The following EYA1 variants were observed in gnomAD, a reference collection of about 807,000 sequenced individuals.
The protein encoded by EYA1 is protein phosphatase EYA1.
In EYA1, 16 loss-of-function variants were observed where a neutral mutation model predicts 82.0. The observed-to-expected ratio is 0.20, with a 90% CI of 0.13 to 0.30. The LOEUF (loss-of-function observed/expected upper bound fraction) is 0.30, where lower values mean the gene tolerates loss of function less well. Ranked by LOEUF, EYA1 falls within the 10% of genes least tolerant of loss-of-function variation. The probability of loss-of-function intolerance (pLI) is 1.00; values close to 1 mark genes in which losing one functional copy is unlikely to be tolerated. For synonymous variants in EYA1, 261 were observed against 264.4 expected (o/e 0.99, Z 0.12); for missense variants, 633 against 730.7 (o/e 0.87, Z 1.54).
intron 1 of EYA1, among the ~76,000 whole-genome samples, chr8:71,539,991 T>C (rs980259399): frequency 6.6e-6 from 1 of 152,200 alleles, no homozygotes; most frequent in Admixed American, 6.5e-5. Context: ...CCACTGGTGA[T>C]GACATTGTAA....
At chr8:71,424,513 C>T (rs1267593617) in intron 2 of EYA1, among the ~76,000 whole-genome samples, 2 of 152,160 alleles carry the variant, frequency 1.3e-5, no homozygotes, top group Non-Finnish European at 2.9e-5. Context: ...TCTCCCAAAT[C>T]CAGGACTCAC....
intron 2 of EYA1, among the ~76,000 whole-genome samples, chr8:71,513,960 T>C (rs1319669358): frequency 6.6e-6 from 1 of 152,074 alleles, no homozygotes; most frequent in East Asian, 1.9e-4. Context: ...CATGACAAGA[T>C]CTCTCATTCC....
intron 1 of EYA1, among the ~76,000 whole-genome samples, chr8:71,546,940 A>T (rs1307604722): frequency 6.6e-6 from 1 of 152,204 alleles, no homozygotes; most frequent in East Asian, 1.9e-4. Context: ...CTACCACAAC[A>T]ACAAAAGTCT....
Position 71,509,901 on chromosome 8 carries a change from G to A in EYA1, c.33+25843C>T, listed in dbSNP as rs540578125. 2.3e-3 allele frequency among the ~76,000 whole-genome samples: 357 copies of A among 152,022 alleles called. 1 individual carries two copies. Among genetic ancestry groups the A allele is most frequent in the African/African-American group, 8.0e-3 (333 of 41,506 alleles). The stretch of plus-strand genomic sequence containing the variant: ...CTTTAAATAGTGCATAGTAGAAAGC[G>A]CTGTGCACAAACAGAATGCTATGGG... On this transcript the variant is annotated intron_variant, in intron 2 of 18. Coordinates refer to the EYA1 transcript ENST00000643681.
intron 4 of EYA1, chr8:71,322,507 G>C: frequency 1.9e-6 from 1 of 521,340 alleles, no homozygotes; most frequent in Non-Finnish European, 3.4e-6. Context: ...CTTAGAAAAC[G>C]TCATCACAAT....
chr8:71,474,054 G>T (rs532965157), intron 2 of EYA1, among the ~76,000 whole-genome samples: 1 of 152,132 alleles, frequency 6.6e-6, no homozygotes, highest in East Asian at 1.9e-4. Context: ...TGTTATTGGG[G>T]GGTGCATAGA....
rs901903876 is a variant in EYA1, at chr8:71,305,588, G to A, written c.557-5868C>T. Among the ~76,000 whole-genome samples, 24 of 152,238 alleles carry A rather than the reference G, an allele frequency of 1.6e-4. 1 individual carries two copies. The highest frequency in any genetic ancestry group is 5.1e-4 in the African/African-American group (21 of 41,530). ...TTGAACTTGGGAGGCTGAAGTTTCA[G>A]TGAGCCGAGATCATGCTATTGCGCT... On this transcript the variant is annotated intron_variant, in intron 7 of 17. Transcript: ENST00000340726.
Position 71,354,883 on chromosome 8 carries a change from C to A in EYA1, c.23G>T (p.Ser8Ile). 1 of 1,613,558 alleles carries A rather than the reference C, an allele frequency of 6.2e-7. No individual in the cohort carries two copies. The change falls in exon 3 of 18, where the codon AGC becomes ATC. Residue 8 changes from serine to isoleucine, a missense_variant. Physicochemically the swap from Ser to Ile is moderately radical, Grantham distance 142. Coordinates refer to ENST00000340726, the MANE Select transcript of EYA1 (RefSeq NM_000503.6). ...ACTACCACTCAGACGGCTATGCGGG[C>A]TGGTTAGATCCTGCATTTCCATAGA... The part of the protein sequence containing the change: MEMQDLT[S>I]PHSRLSGSSE...
At chr8:71,239,455 A>T (rs1345539545) in intron 12 of EYA1, among the ~76,000 whole-genome samples, 2 of 152,214 alleles carry the variant, frequency 1.3e-5, no homozygotes, top group Non-Finnish European at 2.9e-5. Context: ...TGGTCAACAT[A>T]TATAAGGCAA....
intron 17 of EYA1, among the ~76,000 whole-genome samples, chr8:71,200,585 G>C (rs1357736842): frequency 1.3e-5 from 2 of 152,190 alleles, no homozygotes; most frequent in Admixed American, 1.3e-4. Context: ...TAACAGAATA[G>C]TCCAGAAATT....
Position 71,362,014 on chromosome 8 carries a change from A to G in EYA1, c.-422T>C, listed in dbSNP as rs1827435834. The G allele has an allele frequency of 2.0e-6, 2 of 985,388 alleles. No homozygotes were observed. The highest frequency in any genetic ancestry group is 9.4e-5 in the South Asian group (2 of 21,298). The allele number at this position is 985,388 out of a possible 1,614,324, so 61.0% of individuals were successfully genotyped here. A position where few individuals can be genotyped will look rare whatever the true frequency, so the allele number is the denominator to read the frequency against. On this transcript the variant is annotated 5_prime_UTR_variant, in exon 1 of 18. Transcript: ENST00000340726. ...AGCTCCCACCGTTCTGTTTGGTAAC[A>G]GCTTTGCGCCCAGCGCTCCTTCCCC...
chr8:71,212,683 A>G (rs987985344), intron 16 of EYA1, among the ~76,000 whole-genome samples: 3 of 152,200 alleles, frequency 2.0e-5, no homozygotes, highest in African/African-American at 7.2e-5. Context: ...GTTTTATATG[A>G]AGTATTCATT....
chr8:71,322,131 C>T, intron 5 of EYA1, 68 bp downstream of exon 5: 2 of 1,338,450 alleles, frequency 1.5e-6, no homozygotes, highest in Non-Finnish European at 2.2e-6. Flanking sequence ...TGGGCACAGA[C>T]ATGACTTTAA....
chr8:71,271,034 C>T (rs540349001), intron 10 of EYA1, among the ~76,000 whole-genome samples: 174 of 152,208 alleles, frequency 1.1e-3, no homozygotes, highest in Non-Finnish European at 1.9e-3. Flanking sequence ...TCGCTTGAAC[C>T]GGGAGGCAGA....
At chr8:71,525,203 C>A (rs1482522549) in intron 2 of EYA1, among the ~76,000 whole-genome samples, 1 of 152,184 alleles carries the variant, frequency 6.6e-6, no homozygotes, top group Non-Finnish European at 1.5e-5. Flanking sequence ...AACCCACTCT[C>A]CCTCCTCTAC....
At chr8:71,292,683 C>T (rs1057021660) in intron 9 of EYA1, among the ~76,000 whole-genome samples, 1 of 151,664 alleles carries the variant, frequency 6.6e-6, no homozygotes, top group Non-Finnish European at 1.5e-5. Context: ...ATATATACAT[C>T]ATTAAAAGGG....
At chr8:71,329,897 G>C (rs926139347) in intron 4 of EYA1, among the ~76,000 whole-genome samples, 2 of 151,950 alleles carry the variant, frequency 1.3e-5, no homozygotes, top group African/African-American at 4.8e-5. Flanking sequence ...AACCTGATCC[G>C]GTAGAACAGA....
chr8:71,378,054 T>C (rs1476857131), intron 2 of EYA1, among the ~76,000 whole-genome samples: 1 of 152,180 alleles, frequency 6.6e-6, no homozygotes, highest in African/African-American at 2.4e-5. Context: ...CCATGTGATC[T>C]CATTCCCATA....
chr8:71,394,886 A>G (rs992444033), intron 2 of EYA1, among the ~76,000 whole-genome samples: 1 of 152,152 alleles, frequency 6.6e-6, no homozygotes, highest in Non-Finnish European at 1.5e-5. Context: ...CTTGGGCAGT[A>G]TGGCCATTTT....
Sources: allele counts gnomAD v4.1 joint callset (sites outside exome capture counted in the v4.1 genomes callset), GRCh38; gene constraint gnomAD v4.1.1; transcripts MANE v1.5; gene names NCBI Gene and HGNC (gene_info 2026-07-23, HGNC 2026-07-21).